Variants in C1orf105 observed in about 807,000 individuals in gnomAD.
C1orf105 encodes the protein uncharacterized protein C1orf105.
Under a neutral mutation model 20.8 loss-of-function variants are expected in C1orf105, and 17 were observed. That is an observed-to-expected ratio of 0.82 (90% CI 0.56 to 1.23). C1orf105 has a LOEUF of 1.23. C1orf105 is among the 50% of genes most tolerant of loss of function. C1orf105 has a pLI of 0.00. For synonymous variants in C1orf105, 72 were observed against 72.1 expected, an observed-to-expected ratio of 1.00 and a Z score of 0.01; for missense variants, 219 against 213.5, an observed-to-expected ratio of 1.03 and a Z score of -0.16.
rs531541544 is a variant in C1orf105, at chr1:172,445,144, C to T, written c.93C>T (p.Leu31=). The change falls in exon 2 of 7, where the codon CTC becomes CTT. Residue 31 remains leucine (L), a synonymous_variant. Transcript: ENST00000367727. The part of the protein sequence containing the change: ...EASLVNKPLV[L]SLPRRYPHTS... ...GCCTTGTAAACAAGCCATTAGTGCT[C>T]AGCCTTCCCAGAAGGTAACCTCTCA... 7 of 1,611,600 alleles carry T rather than the reference C, an allele frequency of 4.3e-6. No homozygotes were observed. Among genetic ancestry groups the T allele is most frequent in the South Asian group, 3.3e-5 (3 of 90,436 alleles).
rs755393347 is a variant in C1orf105, at chr1:172,465,311, T to C, written c.354T>C (p.His118=). The C allele has an allele frequency of 4.3e-6, 7 of 1,612,834 alleles. No homozygotes were observed. The African/African-American group carries it at 6.7e-5, about 15-fold the overall frequency. ...ENCMSYRMSL[H]QPKFQTTPEP... ...TTCTTCCAATCAGAATGAGTCTTCA[T>C]CAACCCAAATTCCAGACTACACCTG... The change falls in exon 6 of 7, where the codon CAT becomes CAC. Residue 118 remains histidine (H), a synonymous_variant. Coordinates refer to ENST00000367727, the MANE Select transcript of C1orf105 (RefSeq NM_139240.4).
In C1orf105 at chr1:172,445,637, T is replaced by A. The variant is rs185108003; in HGVS notation, c.107+479T>A. On this transcript the variant is annotated intron_variant, in intron 2 of 6. Coordinates refer to ENST00000367727, the MANE Select transcript of C1orf105 (RefSeq NM_139240.4). ...TACTATATGACACATAAATCTATTT[T>A]TCAAAATTGCAGGAATTACATATCT... 5.3e-4 allele frequency among the ~76,000 whole-genome samples: 81 copies of A among 152,336 alleles called. 3 individuals are homozygous for A. The highest frequency in any genetic ancestry group is 5.1e-3 in the Admixed American group (78 of 15,306).
At chr1:172,432,102 G>A (rs1469318459) in intron 1 of C1orf105, among the ~76,000 whole-genome samples, 3 of 152,238 alleles carry the variant, frequency 2.0e-5, no homozygotes, top group African/African-American at 4.8e-5. Flanking sequence ...CAAACTGGGT[G>A]GAGGCCACTG....
intron 3 of C1orf105, among the ~76,000 whole-genome samples, chr1:172,451,958 C>T (rs1039538616): frequency 3.3e-5 from 5 of 149,656 alleles, no homozygotes; most frequent in African/African-American, 4.9e-5. Context: ...CTGCAACCTC[C>T]GCCTCCCAGG....
At chr1:172,454,522 C>G (rs12087386) in intron 3 of C1orf105, among the ~76,000 whole-genome samples, 14,667 of 151,928 alleles carry the variant, frequency 0.097, 2,326 homozygotes, top group African/African-American at 0.33. Flanking sequence ...GACATTTCCT[C>G]TCTAGTCTCT....
chr1:172,424,198 G>A (rs1322204400), intron 1 of C1orf105, among the ~76,000 whole-genome samples: 4 of 152,164 alleles, frequency 2.6e-5, no homozygotes, highest in Admixed American at 1.3e-4. Context: ...CATGAGCCAT[G>A]GGTAGATAAT....
At chr1:172,426,178 A>G (rs1193734859) in intron 1 of C1orf105, among the ~76,000 whole-genome samples, 8 of 152,080 alleles carry the variant, frequency 5.3e-5, no homozygotes, top group Non-Finnish European at 1.0e-4. Flanking sequence ...AACAAACCAG[A>G]GTTTCTCTGA....
intron 1 of C1orf105, among the ~76,000 whole-genome samples, chr1:172,421,369 C>G (rs550986436): frequency 7.9e-5 from 12 of 152,178 alleles, no homozygotes; most frequent in African/African-American, 2.9e-4. Context: ...GGGTCTAAAT[C>G]TGAATAAATC....
In C1orf105 at chr1:172,468,635, A is replaced by C. The variant is rs529781775; in HGVS notation, c.*41A>C. The C allele has an allele frequency of 6.3e-7, 1 of 1,583,722 alleles. No homozygotes were observed. The highest frequency in any genetic ancestry group is 8.6e-7 in the Non-Finnish European group (1 of 1,161,646). On this transcript the variant is annotated 3_prime_UTR_variant, in exon 7 of 7. Transcript: ENST00000367727. ...CACCTCCCAGACTCCCAGAGAGAAA[A>C]TAACCTCGCCAAGCCAATCTTTGAC...
chr1:172,445,330 G>A (rs1253742418), intron 2 of C1orf105, among the ~76,000 whole-genome samples, 172 bp downstream of exon 2: 1 of 152,190 alleles, frequency 6.6e-6, no homozygotes, highest in African/African-American at 2.4e-5. Flanking sequence ...AATGATCACT[G>A]AGTATAGGCC....
chr1:172,458,044 TA>T (rs1649425592), intron 4 of C1orf105, among the ~76,000 whole-genome samples: 1 of 152,152 alleles, frequency 6.6e-6, no homozygotes, highest in Non-Finnish European at 1.5e-5. Flanking sequence ...GGGGAATATA[TA>T]AAAAGACTCC....
At position 172,420,793 on chromosome 1, in the gene C1orf105, T is replaced by G; in HGVS notation, c.-93T>G. On this transcript the variant is annotated 5_prime_UTR_variant, in exon 1 of 7. Coordinates refer to ENST00000367727, the MANE Select transcript of C1orf105 (RefSeq NM_139240.4). ...AACAAAAAACACTTTGGATTCAGGT[T>G]CTCCACAGCAGTCTTCCACTGGCCA... 1 of 1,298,842 alleles carries G rather than the reference T, an allele frequency of 7.7e-7. No individual in the cohort carries two copies. The highest frequency in any genetic ancestry group is 1.5e-5 in the African/African-American group (1 of 66,928). 80.5% of individuals were successfully genotyped at this position (1,298,842 alleles called of 1,614,324 possible). A position where few individuals can be genotyped will look rare whatever the true frequency, so the allele number is the denominator to read the frequency against.
At chr1:172,427,424 T>C (rs151288085) in intron 1 of C1orf105, among the ~76,000 whole-genome samples, 1 of 152,194 alleles carries the variant, frequency 6.6e-6, no homozygotes, top group Non-Finnish European at 1.5e-5. Flanking sequence ...GGTGCAAACA[T>C]GCTATCATTT....
chr1:172,429,871 C>A (rs569589857), intron 1 of C1orf105, among the ~76,000 whole-genome samples: 2 of 152,290 alleles, frequency 1.3e-5, no homozygotes, highest in East Asian at 3.9e-4. Flanking sequence ...TAATCCCTCC[C>A]ATACCAACTT....
At chr1:172,435,346 A>G (rs959897610) in intron 1 of C1orf105, among the ~76,000 whole-genome samples, 5 of 152,254 alleles carry the variant, frequency 3.3e-5, no homozygotes, top group African/African-American at 1.2e-4. Flanking sequence ...AAAATCCTCA[A>G]TAAAATACTG....
At chr1:172,463,955 T>C (rs963536094) in intron 5 of C1orf105, among the ~76,000 whole-genome samples, 5 of 152,248 alleles carry the variant, frequency 3.3e-5, no homozygotes, top group Non-Finnish European at 5.9e-5. Flanking sequence ...GTTCTACCTC[T>C]AACTTTTCCA....
At chr1:172,466,028 C>A (rs1387233121) in intron 6 of C1orf105, among the ~76,000 whole-genome samples, 1 of 152,190 alleles carries the variant, frequency 6.6e-6, no homozygotes, top group Non-Finnish European at 1.5e-5. Context: ...CCCATATTGA[C>A]TGAAGCCACT....
At chr1:172,465,585 T>A (rs753967495) in intron 6 of C1orf105, 1 of 659,448 alleles carries the variant, frequency 1.5e-6, no homozygotes, top group Non-Finnish European at 2.8e-6. Context: ...CTTGCCCTTA[T>A]ACATGTCATG....
intron 6 of C1orf105, 189 bp downstream of exon 6, chr1:172,465,552 A>G: frequency 1.5e-6 from 1 of 680,266 alleles, no homozygotes; most frequent in Middle Eastern, 2.4e-4. Flanking sequence ...CTCCAGCACC[A>G]CCTGTGCCCT....
Sources: gnomAD v4.1 joint callset for allele counts (sites outside exome capture counted in the v4.1 genomes callset) on GRCh38, gnomAD v4.1.1 for gene constraint, MANE v1.5 for transcripts, NCBI Gene and HGNC (gene_info 2026-07-23, HGNC 2026-07-21) for gene names.